KLRG2: variants seen among roughly 807,000 people sequenced by gnomAD.
The protein encoded by KLRG2 is killer cell lectin-like receptor subfamily G member 2.
A neutral mutation model predicts 35.4 loss-of-function variants in KLRG2; 39 were observed. The ratio of observed to expected loss-of-function variants is 1.10; its 90% CI spans 0.85 to 1.44. The LOEUF is 1.44. Among genes scored for constraint, KLRG2 ranks in the 40% most tolerant of loss-of-function variants. KLRG2 has a pLI of 0.00. For synonymous variants in KLRG2, 283 were observed against 265.8 expected, an observed-to-expected ratio of 1.06 and a Z score of -0.63; for missense variants, 632 against 570.9, an observed-to-expected ratio of 1.11 and a Z score of -1.09.
At chr7:139,470,249 G>A (rs1157608178) in intron 3 of KLRG2, among the ~76,000 whole-genome samples, 4 of 151,890 alleles carry the variant, frequency 2.6e-5, no homozygotes, top group Non-Finnish European at 4.4e-5. Context: ...TAATAAAGAC[G>A]GGATTTCACC....
chr7:139,465,128 A>G (rs561708285), intron 3 of KLRG2, among the ~76,000 whole-genome samples: 1 of 152,324 alleles, frequency 6.6e-6, no homozygotes, highest in African/African-American at 2.4e-5. Context: ...AAGGCAGGCT[A>G]TGCTATAGTA....
At chr7:139,443,719 G>A in the KLRG2 span, among the ~76,000 whole-genome samples, 7 of 152,060 alleles carry the variant, frequency 4.6e-5, no homozygotes, top group Admixed American at 1.3e-4. Flanking sequence ...GTGCCACCAC[G>A]CCTGGCTAAT....
At chr7:139,430,774 C>T in the KLRG2 span, among the ~76,000 whole-genome samples, 2 of 151,796 alleles carry the variant, frequency 1.3e-5, no homozygotes, top group Non-Finnish European at 2.9e-5. Context: ...TTTGGGAGGC[C>T]GAGGCAGGCA....
At chr7:139,467,325 C>G (rs911875732) in intron 3 of KLRG2, among the ~76,000 whole-genome samples, 5 of 152,134 alleles carry the variant, frequency 3.3e-5, no homozygotes, top group African/African-American at 1.2e-4. Context: ...GCCATCATAT[C>G]CCCTGTGACC....
chr7:139,462,180 A>G (rs1356238272), intron 3 of KLRG2, among the ~76,000 whole-genome samples: 1 of 152,184 alleles, frequency 6.6e-6, no homozygotes, highest in Non-Finnish European at 1.5e-5. Context: ...GGACTCGGGA[A>G]AACAGTCTTC....
At chr7:139,444,546 G>T in the KLRG2 span, among the ~76,000 whole-genome samples, 3 of 152,158 alleles carry the variant, frequency 2.0e-5, no homozygotes, top group African/African-American at 7.2e-5. Flanking sequence ...TAAAGAGCTT[G>T]CTCCTTCTCT....
intron 1 of KLRG2, among the ~76,000 whole-genome samples, chr7:139,481,283 C>T (rs1167158003): frequency 6.6e-6 from 1 of 152,226 alleles, no homozygotes; most frequent in Non-Finnish European, 1.5e-5. Flanking sequence ...CTTAACGGAA[C>T]TGTAAGATAA....
intron 3 of KLRG2, among the ~76,000 whole-genome samples, chr7:139,473,819 A>G (rs527736669): frequency 4.6e-5 from 7 of 152,314 alleles, no homozygotes; most frequent in Non-Finnish European, 4.4e-5. Context: ...ACACTGTAAA[A>G]AAGGAACATT....
chr7:139,429,086 A>ACGTGAGTT, the KLRG2 span, among the ~76,000 whole-genome samples: 1 of 152,168 alleles, frequency 6.6e-6, no homozygotes, highest in Non-Finnish European at 1.5e-5. Flanking sequence ...TGAGTGGATC[A>ACGTGAGTT]CGTGAGTTCA....
At chr7:139,463,019 CGCG>C (rs1796592819) in intron 3 of KLRG2, among the ~76,000 whole-genome samples, 1 of 152,166 alleles carries the variant, frequency 6.6e-6, no homozygotes, top group African/African-American at 2.4e-5. Context: ...TCACACCCGA[CGCG>C]GCTTACAGTT....
At chr7:139,456,818 T>G (rs1423121507) in intron 3 of KLRG2, among the ~76,000 whole-genome samples, 1 of 152,174 alleles carries the variant, frequency 6.6e-6, no homozygotes, top group Non-Finnish European at 1.5e-5. Flanking sequence ...CTTGTCACTT[T>G]CCTGTATTAG....
chr7:139,439,260 T>C, the KLRG2 span, among the ~76,000 whole-genome samples: 121 of 152,332 alleles, frequency 7.9e-4, no homozygotes, highest in African/African-American at 2.7e-3. Context: ...TTATGCTGCA[T>C]GCAATGCACA....
In KLRG2 at chr7:139,480,139, A is replaced by G; in HGVS notation, c.859+7T>C. The stretch of plus-strand genomic sequence containing the variant: ...GAGAGGGGATGGGGACTGCAGGGAC[A>G]CCATACCTGCTCTTGAGGCCAGGAC... On this transcript the variant is annotated splice_region_variant and intron_variant, in intron 2 of 4. Transcript: ENST00000340940. 1.3e-6 allele frequency: 2 copies of G among 1,596,310 alleles called. No individual in the cohort carries two copies. Among genetic ancestry groups the G allele is most frequent in the South Asian group, 1.1e-5 (1 of 90,716 alleles).
At chr7:139,447,744 T>C (rs866854102), downstream of KLRG2, among the ~76,000 whole-genome samples, 42 of 152,020 alleles carry the variant, frequency 2.8e-4, no homozygotes, top group Middle Eastern at 3.4e-3. Context: ...TTAAAACAGT[T>C]GAGAAGCTAG....
chr7:139,461,809 C>T (rs1796574241), intron 3 of KLRG2, among the ~76,000 whole-genome samples: 1 of 152,160 alleles, frequency 6.6e-6, no homozygotes, highest in Non-Finnish European at 1.5e-5. Context: ...AATAAACAGC[C>T]TCATTGCTCA....
the KLRG2 span, among the ~76,000 whole-genome samples, chr7:139,445,009 G>C: frequency 6.6e-6 from 1 of 152,076 alleles, no homozygotes; most frequent in African/African-American, 2.4e-5. Context: ...AAGAGATTCA[G>C]GATGGTTCAT....
chr7:139,439,648 C>G, the KLRG2 span, among the ~76,000 whole-genome samples: 1 of 152,120 alleles, frequency 6.6e-6, no homozygotes, highest in Non-Finnish European at 1.5e-5. Flanking sequence ...GCTTCCTCCC[C>G]AATTTCTGGC....
intron 3 of KLRG2, among the ~76,000 whole-genome samples, chr7:139,477,952 G>T (rs1305382789): frequency 2.0e-5 from 3 of 151,796 alleles, no homozygotes; most frequent in Non-Finnish European, 4.4e-5. Flanking sequence ...TAGAGACGGG[G>T]TTTCACCGTG....
At chr7:139,469,218 G>C (rs1210780777) in intron 3 of KLRG2, among the ~76,000 whole-genome samples, 1 of 152,168 alleles carries the variant, frequency 6.6e-6, no homozygotes, top group African/African-American at 2.4e-5. Flanking sequence ...GGAGTGCGGT[G>C]GTGCGATCTT....
Sources: allele counts gnomAD v4.1 joint callset (sites outside exome capture counted in the v4.1 genomes callset), GRCh38; gene constraint gnomAD v4.1.1; transcripts MANE v1.5; gene names NCBI Gene and HGNC (gene_info 2026-07-23, HGNC 2026-07-21).